Variants in FBXL22 observed in about 807,000 individuals in gnomAD.
FBXL22 encodes the protein F-box and leucine rich repeat protein 22, also known as F-box and leucine-rich protein 22.
In FBXL22, 13 loss-of-function variants were observed where a neutral mutation model predicts 11.7. The observed-to-expected ratio is 1.11, with a 90% CI of 0.73 to 1.77. The LOEUF is 1.77. Ranked by LOEUF, FBXL22 falls within the 40% of genes most tolerant of loss-of-function variation. The probability of loss-of-function intolerance (pLI) is 0.00; values close to 1 mark genes in which losing one functional copy is unlikely to be tolerated. For synonymous variants in FBXL22, 160 were observed against 144.1 expected, an observed-to-expected ratio of 1.11 and a Z score of -0.79; for missense variants, 406 against 320.4, an observed-to-expected ratio of 1.27 and a Z score of -2.04.
chr15:63,599,020 C>G lies in FBXL22; in HGVS notation c.353+1275C>G, dbSNP rs573224524. The G allele has an allele frequency of 5.9e-5, 38 of 642,550 alleles. No homozygotes were observed. The South Asian group carries it at 6.1e-4, about 10-fold the overall frequency. The allele number at this position is 642,550 out of a possible 1,614,324, so 39.8% of individuals were successfully genotyped here. Reference sequence around the variant, plus strand: ...AGGGGCCCTGCTGTCACATAAAGAGCAAAGGGCTTTGCTGTCAGCACTCTG... The same window carrying G: ...AGGGGCCCTGCTGTCACATAAAGAGGAAAGGGCTTTGCTGTCAGCACTCTG... On this transcript the variant is annotated intron_variant, in intron 1 of 1. Coordinates refer to ENST00000638704, the MANE Select transcript of FBXL22 (RefSeq NM_001367807.1).
rs567731106 is a variant in FBXL22 at position 63,597,804 on chromosome 15, G to C, written c.353+59G>C. ...CCGCTAGCTCTGGCTTCCCTCTTGGGGGGCAGGGAAGAGCAAATTACGAGA... is the reference window on the plus strand; with the variant it reads ...CCGCTAGCTCTGGCTTCCCTCTTGGCGGGCAGGGAAGAGCAAATTACGAGA... On this transcript the variant is annotated intron_variant, in intron 1 of 1. Coordinates refer to ENST00000638704, the MANE Select transcript of FBXL22 (RefSeq NM_001367807.1). The surrounding 1 kb of genome is among the most constrained non-coding windows in gnomAD (Gnocchi z 4.3). The C allele has an allele frequency of 7.3e-5, 108 of 1,475,148 alleles. 1 individual carries two copies. The South Asian group carries it at 1.3e-3, about 18-fold the overall frequency. The allele number at this position is 1,475,148 out of a possible 1,614,324, so 91.4% of individuals were successfully genotyped here. A position where few individuals can be genotyped will look rare whatever the true frequency, so the allele number is the denominator to read the frequency against.
Position 63,597,743 on chromosome 15 carries a change from C to T in FBXL22, c.351C>T (p.Asp117=), listed in dbSNP as rs750716680. Residue 117 remains aspartate, a splice_region_variant and synonymous_variant, in exon 1 of 2, where the codon GAC becomes GAT. Coordinates refer to ENST00000638704, the MANE Select transcript of FBXL22 (RefSeq NM_001367807.1). The surrounding 1 kb of genome is among the most constrained non-coding windows in gnomAD (Gnocchi z 4.3). The part of the protein sequence containing the change: ...LVNDFLLRVC[D]RCPNLASVTL... ...ATGATTTCCTCCTCCGGGTGTGCGA[C>T]AGGTAGGCCACCTTGCCTCCTGAGC... 6.4e-7 allele frequency: 1 copy of T among 1,570,376 alleles called. No individual in the cohort carries two copies. Among genetic ancestry groups the T allele is most frequent in the Non-Finnish European group, 8.7e-7 (1 of 1,154,874 alleles).
rs188022622 is a variant in FBXL22, at chr15:63,600,454, C to T, written c.354-243C>T. ...CGGGGTCGGGGCTTCCCACTAGGGG[C>T]TCCCAAGGCTACGAGCCAAGAACCC... is the stretch of plus-strand genomic sequence containing the variant. On this transcript the variant is annotated intron_variant, in intron 1 of 1. Coordinates refer to ENST00000638704, the MANE Select transcript of FBXL22 (RefSeq NM_001367807.1). The T allele has an allele frequency of 1.7e-4, 202 of 1,213,742 alleles. 1 individual carries two copies. The highest frequency in any genetic ancestry group is 2.6e-4 in the Admixed American group (6 of 23,096). 75.2% of individuals were successfully genotyped at this position (1,213,742 alleles called of 1,614,324 possible).
Position 63,597,733 on chromosome 15 carries a change from G to C in FBXL22, c.341G>C (p.Arg114Pro). 6.3e-7 allele frequency: 1 copy of C among 1,582,022 alleles called. No individual in the cohort carries two copies. The highest frequency in any genetic ancestry group is 1.1e-5 in the South Asian group (1 of 88,004). ...AGCCTGGTCAATGATTTCCTCCTCC[G>C]GGTGTGCGACAGGTAGGCCACCTTG... ...HESLVNDFLL[R>P]VCDRCPNLAS... The change falls in exon 1 of 2, where the codon CGG becomes CCG. Residue 114 changes from arginine (R) to proline (P), a missense_variant. By Grantham distance (103) the Arg-to-Pro change is moderately radical (BLOSUM62 -2). Transcript: ENST00000638704. The surrounding 1 kb of genome is among the most constrained non-coding windows in gnomAD (Gnocchi z 4.3).
At chr15:63,602,975 A>C (rs983474251), downstream of FBXL22, among the ~76,000 whole-genome samples, 2 of 152,298 alleles carry the variant, frequency 1.3e-5, no homozygotes, top group Non-Finnish European at 2.9e-5. Context: ...AACCTTGAGG[A>C]AACTCAAAAT....
Position 63,597,461 on chromosome 15 carries a change from C to T in FBXL22, c.69C>T (p.Phe23=). The T allele has an allele frequency of 6.2e-7, 1 of 1,614,120 alleles. No homozygotes were observed. Among genetic ancestry groups the T allele is most frequent in the South Asian group, 1.1e-5 (1 of 91,084 alleles). The stretch of plus-strand genomic sequence containing the variant: ...AGTGCCTGCTGCACCTCTTCTCCTT[C>T]CTAGACAAGGACAGCAGGAAGAGCC... The part of the protein sequence containing the change: ...NRECLLHLFS[F]LDKDSRKSLA... The change falls in exon 1 of 2, where the codon TTC becomes TTT. Residue 23 remains phenylalanine, a synonymous_variant. Coordinates refer to ENST00000638704, the MANE Select transcript of FBXL22 (RefSeq NM_001367807.1). The surrounding 1 kb of genome is among the most constrained non-coding windows in gnomAD (Gnocchi z 4.3).
At chr15:63,603,290 A>G (rs2067395361), downstream of FBXL22, among the ~76,000 whole-genome samples, 1 of 152,236 alleles carries the variant, frequency 6.6e-6, no homozygotes, top group Admixed American at 6.5e-5. Context: ...CATTTCTTGC[A>G]TGCCTTCCTT....
Position 63,600,872 on chromosome 15 carries a change from T to G in FBXL22, c.529T>G (p.Leu177Val). The change falls in exon 2 of 2, where the codon TTG (leucine) becomes GTG (valine). Residue 177 changes from leucine to valine, a missense_variant. Coordinates refer to ENST00000638704, the MANE Select transcript of FBXL22 (RefSeq NM_001367807.1). ...GGCGGACGGGCGCGCGCTGCAGACA[T>G]TGCACGTGGACTTCTGCCGCAACGT... ...VAADGRALQT[L>V]HVDFCRNVSA... 11 of 1,228,604 alleles carry G rather than the reference T, an allele frequency of 9.0e-6. No individual in the cohort carries two copies. The highest frequency in any genetic ancestry group is 1.1e-5 in the Non-Finnish European group (11 of 986,058). The allele number at this position is 1,228,604 out of a possible 1,614,324, so 76.1% of individuals were successfully genotyped here. A position where few individuals can be genotyped will look rare whatever the true frequency, so the allele number is the denominator to read the frequency against.
Position 63,600,926 on chromosome 15 carries a change from G to A in FBXL22, c.583G>A (p.Ala195Thr), listed in dbSNP as rs1232729806. 5.7e-5 allele frequency: 69 copies of A among 1,210,428 alleles called. No individual in the cohort carries two copies. Among genetic ancestry groups the A allele is most frequent in the Admixed American group, 1.3e-4 (3 of 22,832 alleles). The allele number at this position is 1,210,428 out of a possible 1,614,324, so 75.0% of individuals were successfully genotyped here. The change falls in exon 2 of 2, where the codon GCC (alanine) becomes ACC (threonine). Residue 195 changes from alanine (A) to threonine (T), a missense_variant. Coordinates refer to ENST00000638704, the MANE Select transcript of FBXL22 (RefSeq NM_001367807.1). ...VSAAGLRRLR[A>T]ACPRLALRAE... ...CGCGGCCGGCCTGCGCCGCCTGCGC[G>A]CCGCGTGCCCGCGCCTGGCCCTGCG...
downstream of FBXL22, chr15:63,601,533 TC>T: frequency 6.4e-7 from 1 of 1,555,566 alleles, no homozygotes; most frequent in Non-Finnish European, 8.7e-7. Flanking sequence ...GACCGCCACC[TC>T]CAGGAGCCCC....
downstream of FBXL22, chr15:63,601,751 C>A: frequency 6.6e-7 from 1 of 1,518,670 alleles, no homozygotes; most frequent in Non-Finnish European, 8.9e-7. Flanking sequence ...TGCATAGTTA[C>A]CCATATTTTC....
downstream of FBXL22, among the ~76,000 whole-genome samples, chr15:63,607,312 T>C (rs1288650933): frequency 6.6e-6 from 1 of 152,228 alleles, no homozygotes; most frequent in Non-Finnish European, 1.5e-5. Context: ...CCCAAAGTGC[T>C]GGGATTACAG....
chr15:63,599,695 G>C (rs2067333519), intron 1 of FBXL22: 1 of 987,200 alleles, frequency 1.0e-6, no homozygotes, highest in East Asian at 1.1e-4. Flanking sequence ...CGGAGCTGCG[G>C]GGGAGGCTGG....
At chr15:63,601,950 G>A (rs1278348063), downstream of FBXL22, 3 of 494,808 alleles carry the variant, frequency 6.1e-6, no homozygotes, top group East Asian at 1.1e-4. Context: ...TGAATTTCAG[G>A]GCTGTAGTCA....
At chr15:63,603,785 G>C (rs538249720), downstream of FBXL22, among the ~76,000 whole-genome samples, 2 of 152,360 alleles carry the variant, frequency 1.3e-5, no homozygotes, top group East Asian at 3.9e-4. Context: ...AGGAGAGCCA[G>C]CTCTGTCACA....
At chr15:63,599,078 C>G in intron 1 of FBXL22, 1 of 933,132 alleles carries the variant, frequency 1.1e-6, no homozygotes, top group Non-Finnish European at 1.7e-6. Context: ...CCATGTGACC[C>G]CAGCTCAAAT....
Position 63,597,649 on chromosome 15 carries a change from G to C in FBXL22, c.257G>C (p.Cys86Ser). Reference protein sequence around the residue: ...ICWHSSRVQVCSIEDWLKSAF... With the variant: ...ICWHSSRVQVSSIEDWLKSAF... Reference sequence around the variant, plus strand: ...TGGCACTCCAGCCGCGTGCAGGTGTGCAGCATTGAGGACTGGCTCAAGAGT... The same window carrying C: ...TGGCACTCCAGCCGCGTGCAGGTGTCCAGCATTGAGGACTGGCTCAAGAGT... The change falls in exon 1 of 2, where the codon TGC (cysteine) becomes TCC (serine). Residue 86 changes from cysteine to serine, a missense_variant. By Grantham distance (112) the Cys-to-Ser change is moderately radical. Coordinates refer to ENST00000638704, the MANE Select transcript of FBXL22 (RefSeq NM_001367807.1). This position sits in a 1 kb window ranked among gnomAD's most constrained non-coding sequence, Gnocchi z 4.3. 1 of 1,613,100 alleles carries C rather than the reference G, an allele frequency of 6.2e-7. No individual in the cohort carries two copies. The highest frequency in any genetic ancestry group is 8.5e-7 in the Non-Finnish European group (1 of 1,179,972).
chr15:63,601,812 CAAACT>C (rs2079698975), downstream of FBXL22: 1 of 1,323,824 alleles, frequency 7.6e-7, no homozygotes. Context: ...AAAAAAGCCT[CAAACT>C]AAACAAAAAC....
intron 1 of FBXL22, chr15:63,599,041 C>T: frequency 1.4e-6 from 1 of 694,174 alleles, no homozygotes; most frequent in South Asian, 1.7e-5. Flanking sequence ...GCTGTCAGCA[C>T]TCTGCTGAGC....
Sources: gnomAD v4.1 joint callset for allele counts (sites outside exome capture counted in the v4.1 genomes callset) on GRCh38, gnomAD v4.1.1 for gene constraint, Gnocchi (gnomAD v3.1) non-coding constraint, MANE v1.5 for transcripts, NCBI Gene and HGNC (gene_info 2026-07-23, HGNC 2026-07-21) for gene names.